Variants in KPNA1 observed in about 807,000 individuals in gnomAD.
The protein encoded by KPNA1 is importin subunit alpha-5.
A neutral mutation model predicts 70.5 loss-of-function variants in KPNA1; 10 were observed. The observed-to-expected ratio is 0.14, with a 90% confidence interval of 0.09 to 0.24. The LOEUF (loss-of-function observed/expected upper bound fraction) is 0.24. Among genes scored for constraint, KPNA1 ranks in the 10% least tolerant of loss-of-function variants. The pLI is 1.00. For synonymous variants in KPNA1, 192 were observed against 221.9 expected (o/e 0.87, Z 1.20); for missense variants, 397 against 637.9 (o/e 0.62, Z 4.07).
At chr3:122,487,625 G>C (rs1232912874) in intron 2 of KPNA1, among the ~76,000 whole-genome samples, 3 of 152,160 alleles carry the variant, frequency 2.0e-5, no homozygotes. Context: ...GAACCTTGAA[G>C]TCATTATGCT....
chr3:122,441,379 A>G (rs1333948504), intron 10 of KPNA1, among the ~76,000 whole-genome samples: 2 of 118,434 alleles, frequency 1.7e-5, no homozygotes, highest in African/African-American at 5.5e-5. Flanking sequence ...ACCATGTACA[A>G]AAGGAGAAAG....
intron 2 of KPNA1, among the ~76,000 whole-genome samples, chr3:122,481,675 C>T (rs912905009): frequency 1.3e-5 from 2 of 152,112 alleles, no homozygotes; most frequent in African/African-American, 2.4e-5. Flanking sequence ...AATTGTACAG[C>T]GTGTGAATTA....
intron 9 of KPNA1, among the ~76,000 whole-genome samples, chr3:122,445,286 A>C (rs1263487222): frequency 6.6e-6 from 1 of 152,248 alleles, no homozygotes; most frequent in Non-Finnish European, 1.5e-5. Flanking sequence ...GATTCAATCA[A>C]GTGGAAGAAA....
intron 10 of KPNA1, among the ~76,000 whole-genome samples, chr3:122,441,227 C>A (rs992759000): frequency 6.6e-6 from 1 of 152,198 alleles, no homozygotes; most frequent in East Asian, 1.9e-4. Context: ...AAGACTTCAA[C>A]ATCACAACAC....
rs912341782 is a variant in KPNA1, at chr3:122,422,828, T to C, written c.*4157A>G. On this transcript the variant is annotated 3_prime_UTR_variant, in exon 14 of 14. Coordinates refer to ENST00000344337, the MANE Select transcript of KPNA1 (RefSeq NM_002264.4). Reference sequence around the variant, plus strand: ...TACAATAGATGATCAAATAAAGACATGTTACCTTAATTTGACCTACAGGGA... The same window carrying C: ...TACAATAGATGATCAAATAAAGACACGTTACCTTAATTTGACCTACAGGGA... 7 of 152,214 alleles carry C rather than the reference T, an allele frequency of 4.6e-5. No homozygotes were observed. The highest frequency in any genetic ancestry group is 1.3e-4 in the Admixed American group (2 of 15,290). The allele number at this position is 152,214 out of a possible 1,614,324, so 9.4% of individuals were successfully genotyped here. A position where few individuals can be genotyped will look rare whatever the true frequency, so the allele number is the denominator to read the frequency against.
At chr3:122,492,051 G>A (rs1478405106) in intron 2 of KPNA1, among the ~76,000 whole-genome samples, 1 of 151,110 alleles carries the variant, frequency 6.6e-6, no homozygotes, top group African/African-American at 2.4e-5. Context: ...TAGTAGAGAC[G>A]GGGTTTCACC....
intron 9 of KPNA1, among the ~76,000 whole-genome samples, chr3:122,448,403 C>CCACA (rs2076164102): frequency 1.3e-5 from 2 of 152,204 alleles, no homozygotes; most frequent in Non-Finnish European, 2.9e-5. Flanking sequence ...CCACGGAATA[C>CCACA]TATGCAGCCA....
intron 2 of KPNA1, among the ~76,000 whole-genome samples, chr3:122,467,639 C>T (rs1325759597): frequency 8.5e-6 from 1 of 117,438 alleles, no homozygotes; most frequent in Non-Finnish European, 2.0e-5. Flanking sequence ...ATGCTATAAA[C>T]AACACTTGAT....
chr3:122,434,028 C>T (rs1435565445), intron 11 of KPNA1, among the ~76,000 whole-genome samples: 1 of 152,136 alleles, frequency 6.6e-6, no homozygotes, highest in Non-Finnish European at 1.5e-5. Flanking sequence ...CTTCCACCTC[C>T]TGGGTTCAAG....
chr3:122,451,844 A>G, intron 7 of KPNA1, 132 bp downstream of exon 7: 5 of 713,056 alleles, frequency 7.0e-6, no homozygotes, highest in South Asian at 1.9e-5. Context: ...GATCTAAACA[A>G]GAAAATATCT....
At chr3:122,434,008 C>T (rs1333731201) in intron 11 of KPNA1, among the ~76,000 whole-genome samples, 1 of 152,090 alleles carries the variant, frequency 6.6e-6, no homozygotes, top group Admixed American at 6.5e-5. Context: ...GCAATCTCAG[C>T]TCACTGCAGC....
intron 3 of KPNA1, 71 bp from the exon 4 acceptor site, chr3:122,464,112 TATC>T (rs2076355372): frequency 4.0e-6 from 3 of 744,848 alleles, no homozygotes; most frequent in Admixed American, 2.6e-5. Context: ...AGATAACAGA[TATC>T]ATGGCCAAGT....
intron 2 of KPNA1, among the ~76,000 whole-genome samples, chr3:122,469,280 A>G (rs180715614): frequency 2.7e-4 from 41 of 152,198 alleles, no homozygotes; most frequent in Middle Eastern, 3.4e-3. Context: ...GCCTCCACAA[A>G]CAAGTTTATT....
At chr3:122,497,018 G>A (rs2076770583) in intron 1 of KPNA1, among the ~76,000 whole-genome samples, 1 of 152,166 alleles carries the variant, frequency 6.6e-6, no homozygotes, top group Non-Finnish European at 1.5e-5. Context: ...TACTTTAACA[G>A]TTTTATTAAA....
chr3:122,437,136 A>C, intron 11 of KPNA1, 34 bp downstream of exon 11: 2 of 1,589,342 alleles, frequency 1.3e-6, no homozygotes, highest in Non-Finnish European at 1.7e-6. Context: ...TTCAATAAAA[A>C]TACTGAAAGA....
intron 2 of KPNA1, among the ~76,000 whole-genome samples, chr3:122,484,753 C>T (rs2076610467): frequency 6.6e-6 from 1 of 152,130 alleles, no homozygotes; most frequent in Admixed American, 6.5e-5. Context: ...TCAGAGGACT[C>T]AAGATTGTTA....
intron 2 of KPNA1, chr3:122,482,905 T>TGGGACGGGAC (rs1041834061): frequency 1.3e-5 from 2 of 151,994 alleles, no homozygotes; most frequent in African/African-American, 4.8e-5. Context: ...TGGGACGGGA[T>TGGGACGGGAC]GGGACGGGAC....
chr3:122,427,824 AC>A (rs1560012861), intron 12 of KPNA1, 108 bp from the exon 13 acceptor site: 78 of 666,024 alleles, frequency 1.2e-4, no homozygotes, highest in East Asian at 5.3e-4. Flanking sequence ...AAAAAAAAAA[AC>A]AAAAAACAAG....
rs755405524 is a variant in KPNA1, at chr3:122,425,423, G to GA, written c.*1561_*1562insT. ...GACAAGTCTAAAAAGGTTTAAAAGG[G>GA]TATGCTCTGAAACAGAGGTGAGCAA... is the stretch of plus-strand genomic sequence containing the variant. On this transcript the variant is annotated 3_prime_UTR_variant, in exon 14 of 14. Transcript: ENST00000344337. The GA allele has an allele frequency of 2.0e-5, 3 of 152,542 alleles. No homozygotes were observed. Among genetic ancestry groups the GA allele is most frequent in the Non-Finnish European group, 2.9e-5 (2 of 68,034 alleles). 9.4% of individuals were successfully genotyped at this position (152,542 alleles called of 1,614,324 possible). A position where few individuals can be genotyped will look rare whatever the true frequency, so the allele number is the denominator to read the frequency against.
Sources: gnomAD v4.1 joint callset for allele counts (sites outside exome capture counted in the v4.1 genomes callset) on GRCh38, gnomAD v4.1.1 for gene constraint, MANE v1.5 for transcripts, NCBI Gene and HGNC (gene_info 2026-07-23, HGNC 2026-07-21) for gene names.